RORA: variants seen among roughly 807,000 people sequenced by gnomAD.
RORA encodes RAR related orphan receptor A.
RORA carries 7 observed loss-of-function variants against 69.5 expected under a neutral mutation model. That is an observed-to-expected ratio of 0.10 (90% CI 0.06 to 0.19). The LOEUF (loss-of-function observed/expected upper bound fraction) is 0.19, where lower values mean the gene tolerates loss of function less well. Among genes scored for constraint, RORA ranks in the 10% least tolerant of loss-of-function variants. RORA has a pLI of 1.00. For synonymous variants in RORA, 261 were observed against 240.8 expected, an observed-to-expected ratio of 1.08 and a Z score of -0.78; for missense variants, 457 against 663.0, an observed-to-expected ratio of 0.69 and a Z score of 3.41.
chr15:60,546,973 G>A (rs540819423), intron 2 of RORA, among the ~76,000 whole-genome samples: 13 of 152,334 alleles, frequency 8.5e-5, no homozygotes, highest in East Asian at 5.8e-4. Flanking sequence ...TGTTAGGGGA[G>A]TAGCAGTTCT....
At chr15:60,572,144 G>C (rs902192463) in intron 2 of RORA, among the ~76,000 whole-genome samples, 2 of 152,168 alleles carry the variant, frequency 1.3e-5, no homozygotes, top group African/African-American at 2.4e-5. Context: ...TTGAATTTGG[G>C]AGCCTTACAA....
chr15:60,644,822 G>A (rs1017518025), intron 2 of RORA, among the ~76,000 whole-genome samples: 3 of 152,154 alleles, frequency 2.0e-5, no homozygotes, highest in African/African-American at 7.2e-5. Flanking sequence ...AGTATTTAGG[G>A]AGCCTGATTT....
intron 1 of RORA, among the ~76,000 whole-genome samples, chr15:61,049,570 G>A (rs906480024): frequency 2.0e-5 from 3 of 152,182 alleles, no homozygotes; most frequent in East Asian, 1.9e-4. Context: ...GGATGTTAAC[G>A]CACTGATAGG....
intron 1 of RORA, among the ~76,000 whole-genome samples, chr15:60,983,533 T>C (rs1894108259): frequency 6.6e-6 from 1 of 152,184 alleles, no homozygotes; most frequent in Non-Finnish European, 1.5e-5. Context: ...ATGAGAGACA[T>C]ACACCCTCTA....
At chr15:61,092,193 T>A (rs2078717769) in intron 1 of RORA, among the ~76,000 whole-genome samples, 1 of 152,254 alleles carries the variant, frequency 6.6e-6, no homozygotes, top group Non-Finnish European at 1.5e-5. Context: ...TTGTTTAGTT[T>A]TATAACCATT....
intron 1 of RORA, among the ~76,000 whole-genome samples, chr15:61,154,477 A>C (rs546778847): frequency 8.0e-4 from 122 of 152,256 alleles, no homozygotes; most frequent in African/African-American, 2.8e-3. Flanking sequence ...GCTTCCGGGC[A>C]AGAGATCCTT....
chr15:60,622,008 G>A (rs999846150), intron 2 of RORA, among the ~76,000 whole-genome samples: 3 of 152,030 alleles, frequency 2.0e-5, no homozygotes, highest in Admixed American at 6.6e-5. Context: ...AGGTTGCACC[G>A]TTGCACTCCA....
At chr15:60,953,201 T>TA (rs1344889047) in intron 1 of RORA, among the ~76,000 whole-genome samples, 1 of 2,904 alleles carries the variant, frequency 3.4e-4, no homozygotes, top group Admixed American at 6.7e-3. Flanking sequence ...AAGGATTCCC[T>TA]ATTTAATAAA....
chr15:61,173,391 A>G (rs2079601836), intron 1 of RORA, among the ~76,000 whole-genome samples: 1 of 152,236 alleles, frequency 6.6e-6, no homozygotes, highest in Non-Finnish European at 1.5e-5. Flanking sequence ...AACTGTTTAA[A>G]CTATTTTAAA....
intron 2 of RORA, among the ~76,000 whole-genome samples, chr15:60,548,317 T>C (rs1177978431): frequency 6.6e-6 from 1 of 152,190 alleles, no homozygotes; most frequent in Admixed American, 6.5e-5. Flanking sequence ...TTGTCATTAA[T>C]GTCAGCCAAG....
At position 61,061,110 on chromosome 15, in the gene RORA, T is replaced by G. The variant is rs1383908729; in HGVS notation, c.166+167943A>C. Among the ~76,000 whole-genome samples, 1 of 152,062 alleles carries G rather than the reference T, an allele frequency of 6.6e-6. No homozygotes were observed. Among genetic ancestry groups the G allele is most frequent in the Non-Finnish European group, 1.5e-5 (1 of 68,010 alleles). ...GGCTCGTGCCTGTAATCCCAGCACT[T>G]TGGGAGGCCGAGGCGGGCGGATCAC... On this transcript the variant is annotated intron_variant, in intron 1 of 10. Coordinates refer to ENST00000335670, the MANE Select transcript of RORA (RefSeq NM_134261.3). The surrounding 1 kb of genome is among the most constrained non-coding windows in gnomAD (Gnocchi z 4.4).
intron 1 of RORA, among the ~76,000 whole-genome samples, chr15:61,137,610 G>A (rs1567006958): frequency 6.6e-6 from 1 of 152,176 alleles, no homozygotes; most frequent in Non-Finnish European, 1.5e-5. Flanking sequence ...TAACACAGAT[G>A]TTCTCCAGAG....
At chr15:60,837,047 T>G (rs900129874) in intron 1 of RORA, among the ~76,000 whole-genome samples, 1 of 151,750 alleles carries the variant, frequency 6.6e-6, no homozygotes, top group African/African-American at 2.4e-5. Context: ...CCTTTTTTTT[T>G]TTTTTGTAGA....
At chr15:61,171,611 G>C (rs1043491350) in intron 1 of RORA, among the ~76,000 whole-genome samples, 5 of 152,162 alleles carry the variant, frequency 3.3e-5, no homozygotes, top group African/African-American at 1.2e-4. Context: ...AGAGCTGCTA[G>C]CCCTACTTGA....
intron 2 of RORA, among the ~76,000 whole-genome samples, chr15:60,595,525 A>G (rs2140535364): frequency 6.6e-6 from 1 of 152,284 alleles, no homozygotes; most frequent in African/African-American, 2.4e-5. Flanking sequence ...AAGGAAAAAA[A>G]AAAATACAAT....
intron 2 of RORA, among the ~76,000 whole-genome samples, chr15:60,620,602 C>T (rs1345997051): frequency 1.3e-5 from 2 of 152,162 alleles, no homozygotes; most frequent in South Asian, 2.1e-4. Context: ...CCAGCATGGA[C>T]CTGGGAGGGA....
At chr15:60,962,998 A>C (rs536549275) in intron 1 of RORA, among the ~76,000 whole-genome samples, 1 of 152,216 alleles carries the variant, frequency 6.6e-6, no homozygotes, top group Non-Finnish European at 1.5e-5. Flanking sequence ...CAAGGGAAAT[A>C]GCTTAAGTAA....
intron 1 of RORA, among the ~76,000 whole-genome samples, chr15:61,216,308 T>G (rs2140942446): frequency 6.6e-6 from 1 of 152,354 alleles, no homozygotes; most frequent in African/African-American, 2.4e-5. Flanking sequence ...TGTTCTCTCA[T>G]CAGCTCAAAT....
intron 1 of RORA, among the ~76,000 whole-genome samples, chr15:60,682,831 G>A (rs1269400664): frequency 1.3e-5 from 2 of 152,202 alleles, no homozygotes; most frequent in African/African-American, 2.4e-5. Context: ...CACGAGCAGG[G>A]TAATGCTCTC....
Sources: gnomAD v4.1 joint callset for allele counts (sites outside exome capture counted in the v4.1 genomes callset) on GRCh38, gnomAD v4.1.1 for gene constraint, Gnocchi (gnomAD v3.1) non-coding constraint, MANE v1.5 for transcripts, NCBI Gene and HGNC (gene_info 2026-07-23, HGNC 2026-07-21) for gene names.